SERPINI1: variants seen among roughly 807,000 people sequenced by gnomAD.
The protein encoded by SERPINI1 is neuroserpin.
Under a neutral mutation model 41.1 loss-of-function variants are expected in SERPINI1, and 19 were observed. The observed-to-expected ratio is 0.46, with a 90% confidence interval of 0.32 to 0.68. The LOEUF is 0.68. Ranked by LOEUF, SERPINI1 falls within the 30% of genes least tolerant of loss-of-function variation. The pLI is 0.03. For synonymous variants in SERPINI1, 138 were observed against 156.6 expected, an observed-to-expected ratio of 0.88 and a Z score of 0.89; for missense variants, 460 against 479.2, an observed-to-expected ratio of 0.96 and a Z score of 0.37.
Position 167,810,918 on chromosome 3 carries a change from A to G in SERPINI1, c.979+3577A>G, listed in dbSNP as rs115746842. ...TTCGCAGCATCTTCACCAGGAGTAG[A>G]TCTCATCTCAAGAAACCACTTTCTT... On this transcript the variant is annotated intron_variant, in intron 6 of 8. Transcript: ENST00000446050. Among the ~76,000 whole-genome samples the G allele has an allele frequency of 9.6e-3, 1,463 of 152,160 alleles. 24 individuals are homozygous for G. Among genetic ancestry groups the G allele is most frequent in the African/African-American group, 0.033 (1,361 of 41,494 alleles).
intron 7 of SERPINI1, among the ~76,000 whole-genome samples, chr3:167,823,898 T>C (rs1319597680): frequency 6.6e-5 from 10 of 152,210 alleles, no homozygotes; most frequent in Non-Finnish European, 1.3e-4. Context: ...CATCTTATAA[T>C]GAGGATCTCA....
At chr3:167,807,868 G>A (rs1374249845) in intron 6 of SERPINI1, among the ~76,000 whole-genome samples, 1 of 152,078 alleles carries the variant, frequency 6.6e-6, no homozygotes, top group Non-Finnish European at 1.5e-5. Flanking sequence ...TGTAATCCTA[G>A]TACTTTGGGA....
At chr3:167,799,874 C>T (rs1352761916) in intron 5 of SERPINI1, among the ~76,000 whole-genome samples, 2 of 151,960 alleles carry the variant, frequency 1.3e-5, no homozygotes, top group African/African-American at 2.4e-5. Context: ...ATATCCTTTG[C>T]CCACTTTTTG....
intron 5 of SERPINI1, among the ~76,000 whole-genome samples, chr3:167,803,282 T>A (rs1221486867): frequency 2.1e-5 from 2 of 93,822 alleles, no homozygotes; most frequent in Non-Finnish European, 4.6e-5. Context: ...ATAATAATAA[T>A]AAAAATAAAT....
intron 5 of SERPINI1, among the ~76,000 whole-genome samples, chr3:167,801,069 C>T (rs1235018020): frequency 6.6e-6 from 1 of 152,228 alleles, no homozygotes; most frequent in Non-Finnish European, 1.5e-5. Context: ...CCACCTGCCT[C>T]GGCCTCCCAA....
intron 5 of SERPINI1, among the ~76,000 whole-genome samples, chr3:167,797,533 G>A (rs1727754211): frequency 6.6e-6 from 1 of 152,026 alleles, no homozygotes; most frequent in Admixed American, 6.6e-5. Context: ...AAGGTGTAAG[G>A]AAGGGATCCA....
At chr3:167,782,217 A>G (rs62279561) in intron 1 of SERPINI1, among the ~76,000 whole-genome samples, 19,496 of 152,136 alleles carry the variant, frequency 0.13, 1,517 homozygotes, top group African/African-American at 0.21. Context: ...ATGATTAATA[A>G]TAGGGCCCTG....
intron 6 of SERPINI1, among the ~76,000 whole-genome samples, chr3:167,808,275 A>ATTT (rs3061445): frequency 1.7e-4 from 25 of 149,178 alleles, no homozygotes; most frequent in African/African-American, 4.7e-4. Context: ...CAAATACCCT[A>ATTT]TTTTTTTCAG....
intron 1 of SERPINI1, among the ~76,000 whole-genome samples, chr3:167,751,403 T>C (rs1726046316): frequency 6.6e-6 from 1 of 152,194 alleles, no homozygotes; most frequent in Non-Finnish European, 1.5e-5. Flanking sequence ...AGCCCTGTAA[T>C]TACACAAAGT....
intron 1 of SERPINI1, among the ~76,000 whole-genome samples, chr3:167,742,231 AAG>A (rs1182690699): frequency 2.0e-5 from 3 of 152,200 alleles, no homozygotes; most frequent in African/African-American, 7.2e-5. Context: ...ATTATCTTAA[AAG>A]CAAATTTTTC....
At chr3:167,792,566 A>G in intron 3 of SERPINI1, 24 bp from the exon 4 acceptor site, 1 of 1,599,930 alleles carries the variant, frequency 6.3e-7, no homozygotes, top group South Asian at 1.1e-5. Flanking sequence ...ATGAATTTTT[A>G]TCTATTCATT....
At position 167,792,572 on chromosome 3, in the gene SERPINI1, T is replaced by C. The variant is rs1261864446; in HGVS notation, c.482-18T>C. The C allele has an allele frequency of 1.2e-6, 2 of 1,608,242 alleles. No homozygotes were observed. The highest frequency in any genetic ancestry group is 1.1e-5 in the South Asian group (1 of 90,698). On this transcript the variant is annotated intron_variant, in intron 3 of 8. Transcript: ENST00000446050. The stretch of plus-strand genomic sequence containing the variant: ...CAGTTTAACATGAATTTTTATCTAT[T>C]CATTTTTTCCTAAATAGATCTGGTG...
intron 1 of SERPINI1, among the ~76,000 whole-genome samples, chr3:167,757,118 A>G (rs1468462471): frequency 6.6e-6 from 1 of 152,226 alleles, no homozygotes; most frequent in African/African-American, 2.4e-5. Context: ...TTAGTTAATC[A>G]CAGTATCAAA....
At chr3:167,765,366 C>T (rs148825010) in intron 1 of SERPINI1, among the ~76,000 whole-genome samples, 2 of 152,356 alleles carry the variant, frequency 1.3e-5, no homozygotes, top group East Asian at 3.9e-4. Flanking sequence ...ATGGTAGCTG[C>T]CAAGGCTTGA....
At chr3:167,745,327 A>G (rs1245710421) in intron 1 of SERPINI1, among the ~76,000 whole-genome samples, 1 of 152,044 alleles carries the variant, frequency 6.6e-6, no homozygotes, top group Non-Finnish European at 1.5e-5. Context: ...AATTATCTCA[A>G]TTGAAGAAGA....
In SERPINI1 at chr3:167,822,723, C is replaced by T. The variant is rs145837476; in HGVS notation, c.980-263C>T. Among the ~76,000 whole-genome samples, 510 of 151,902 alleles carry T rather than the reference C, an allele frequency of 3.4e-3. 1 individual carries two copies. The highest frequency in any genetic ancestry group is 0.012 in the African/African-American group (482 of 41,416). ...TGAAGTCACTAGTAAAAAAAGTTTC[C>T]ACTTTTTCTGAAAATATAAGACATA... On this transcript the variant is annotated intron_variant, in intron 6 of 8. Coordinates refer to ENST00000446050, the MANE Select transcript of SERPINI1 (RefSeq NM_001122752.2).
At chr3:167,754,539 A>G (rs1430669602) in intron 1 of SERPINI1, among the ~76,000 whole-genome samples, 2 of 152,208 alleles carry the variant, frequency 1.3e-5, no homozygotes, top group Admixed American at 6.5e-5. Context: ...GTCAACAAAG[A>G]ATAACATTAA....
chr3:167,778,164 A>G (rs1402339052), intron 1 of SERPINI1, among the ~76,000 whole-genome samples: 2 of 152,204 alleles, frequency 1.3e-5, no homozygotes, highest in Non-Finnish European at 2.9e-5. Context: ...TTAGTCCCCA[A>G]ATGAGCAGGT....
intron 6 of SERPINI1, among the ~76,000 whole-genome samples, chr3:167,818,093 T>G (rs1467947257): frequency 6.6e-6 from 1 of 152,138 alleles, no homozygotes; most frequent in African/African-American, 2.4e-5. Flanking sequence ...TGGCATGTTC[T>G]CGGCTCACCG....
Sources: allele counts gnomAD v4.1 joint callset (sites outside exome capture counted in the v4.1 genomes callset), GRCh38; gene constraint gnomAD v4.1.1; transcripts MANE v1.5; gene names NCBI Gene and HGNC (gene_info 2026-07-23, HGNC 2026-07-21).